The following SORCS1 variants were observed in gnomAD, a reference collection of about 807,000 sequenced individuals.
SORCS1 encodes the protein sortilin related VPS10 domain containing receptor 1.
SORCS1 carries 60 observed loss-of-function variants against 146.1 expected under a neutral mutation model. That is an observed-to-expected ratio of 0.41 (90% CI 0.33 to 0.51). The LOEUF is 0.51. Among genes scored for constraint, SORCS1 ranks in the 20% least tolerant of loss-of-function variants. SORCS1 has a pLI of 0.21. For missense variants in SORCS1, 1,352 were observed against 1,487.6 expected, an observed-to-expected ratio of 0.91 and a Z score of 1.50; for synonymous variants, 637 against 584.0, an observed-to-expected ratio of 1.09 and a Z score of -1.31.
intron 2 of SORCS1, among the ~76,000 whole-genome samples, chr10:106,915,732 G>A (rs1952388844): frequency 6.6e-6 from 1 of 152,174 alleles, no homozygotes; most frequent in South Asian, 2.1e-4. Context: ...TTTAAGTGAG[G>A]AAGAGTGGCT....
intron 1 of SORCS1, among the ~76,000 whole-genome samples, chr10:106,961,324 A>C (rs1955212647): frequency 6.6e-6 from 1 of 152,198 alleles, no homozygotes; most frequent in Admixed American, 6.5e-5. Flanking sequence ...ATTAACATAA[A>C]ATATAATTTA....
intron 1 of SORCS1, among the ~76,000 whole-genome samples, chr10:107,018,408 G>A (rs908814816): frequency 2.3e-4 from 35 of 150,396 alleles, no homozygotes; most frequent in Non-Finnish European, 4.0e-4. Flanking sequence ...GGATGGTCTC[G>A]ATCTCCTTAC....
In SORCS1 at chr10:107,034,680, C is replaced by CAAAAAAAAAAAAAAAAAAAA. The variant is rs553032484; in HGVS notation, c.559-78120_559-78101dup. Among the ~76,000 whole-genome samples, 14 of 13,796 alleles carry CAAAAAAAAAAAAAAAAAAAA rather than the reference C, an allele frequency of 1.0e-3. 1 individual carries two copies. The highest frequency in any genetic ancestry group is 3.5e-3 in the Admixed American group (2 of 564). The allele number at this position is 13,796 out of a possible 152,430, so 9.1% of individuals were successfully genotyped here. On this transcript the variant is annotated intron_variant, in intron 1 of 25. Coordinates refer to ENST00000263054, the MANE Select transcript of SORCS1 (RefSeq NM_052918.5). Reference sequence around the variant, plus strand: ...GGGAAACATGAGCGAAACTCCATCTCAAAAAAAAAAAAAAAAAAAAAAAAA... The same window carrying CAAAAAAAAAAAAAAAAAAAA: ...GGGAAACATGAGCGAAACTCCATCTCAAAAAAAAAAAAAAAAAAAAAAAAAAAAAAAAAAAAAAAAAAAAA...
chr10:106,784,606 C>G (rs565363064), intron 3 of SORCS1, among the ~76,000 whole-genome samples: 1 of 152,166 alleles, frequency 6.6e-6, no homozygotes, highest in African/African-American at 2.4e-5. Context: ...AGTAACTTCT[C>G]TCTTAAATCC....
At chr10:106,947,125 A>C (rs1954385748) in intron 2 of SORCS1, among the ~76,000 whole-genome samples, 1 of 152,166 alleles carries the variant, frequency 6.6e-6, no homozygotes, top group Non-Finnish European at 1.5e-5. Flanking sequence ...CATCCAAAAT[A>C]CTGATTTAAA....
intron 9 of SORCS1, among the ~76,000 whole-genome samples, chr10:106,694,758 G>T (rs1178241364): frequency 6.6e-6 from 1 of 152,142 alleles, no homozygotes; most frequent in African/African-American, 2.4e-5. Flanking sequence ...CCTGGTCACT[G>T]GCTGTCCTTC....
chr10:106,954,206 G>C (rs1189323476), intron 2 of SORCS1, among the ~76,000 whole-genome samples: 2 of 152,160 alleles, frequency 1.3e-5, no homozygotes, highest in African/African-American at 4.8e-5. Flanking sequence ...CTGTCCCAGT[G>C]AGACAAAACT....
At chr10:106,907,736 G>A (rs759248846) in intron 2 of SORCS1, among the ~76,000 whole-genome samples, 4 of 151,932 alleles carry the variant, frequency 2.6e-5, no homozygotes, top group Non-Finnish European at 4.4e-5. Flanking sequence ...AGACCAGCCC[G>A]ACCAACATGG....
intron 13 of SORCS1, among the ~76,000 whole-genome samples, chr10:106,676,017 A>G (rs1851999365): frequency 6.6e-6 from 1 of 152,144 alleles, no homozygotes; most frequent in South Asian, 2.1e-4. Flanking sequence ...TAAGCCACCC[A>G]GTTTATGGTA....
At chr10:106,608,648 C>G (rs1846767182) in intron 22 of SORCS1, among the ~76,000 whole-genome samples, 1 of 152,154 alleles carries the variant, frequency 6.6e-6, no homozygotes, top group Non-Finnish European at 1.5e-5. Flanking sequence ...CCCTTTGAAG[C>G]AAATATGATT....
chr10:106,764,017 A>G (rs1468467715), intron 4 of SORCS1, among the ~76,000 whole-genome samples: 1 of 152,192 alleles, frequency 6.6e-6, no homozygotes, highest in East Asian at 1.9e-4. Context: ...GTTTCTACCT[A>G]ATAGAGAACA....
intron 1 of SORCS1, among the ~76,000 whole-genome samples, chr10:107,083,110 C>CAAAAAAAAAA (rs538577059): frequency 1.7e-5 from 1 of 60,486 alleles, no homozygotes; most frequent in Non-Finnish European, 3.3e-5. Context: ...CTCCAACTCA[C>CAAAAAAAAAA]AAAAAAAAAA....
intron 2 of SORCS1, among the ~76,000 whole-genome samples, chr10:106,861,518 G>A (rs1181620882): frequency 6.6e-6 from 1 of 151,978 alleles, no homozygotes; most frequent in South Asian, 2.1e-4. Flanking sequence ...TATGAAAAAT[G>A]TATTCTAGAA....
chr10:106,699,526 TA>T, intron 8 of SORCS1, 133 bp from the exon 9 acceptor site: 2 of 696,268 alleles, frequency 2.9e-6, no homozygotes, highest in Non-Finnish European at 4.5e-6. Flanking sequence ...TCCTTTTGCA[TA>T]TATAAGAAAT....
At chr10:107,004,516 C>T (rs11193158) in intron 1 of SORCS1, among the ~76,000 whole-genome samples, 3 of 151,736 alleles carry the variant, frequency 2.0e-5, no homozygotes, top group Admixed American at 6.6e-5. Flanking sequence ...CACAAGATCT[C>T]GAGACTTATT....
chr10:106,733,534 T>C (rs1564910464), intron 5 of SORCS1, among the ~76,000 whole-genome samples: 1 of 152,188 alleles, frequency 6.6e-6, no homozygotes. Flanking sequence ...CCAAATGATA[T>C]CATTACTCTA....
the SORCS1 span, among the ~76,000 whole-genome samples, chr10:107,176,086 C>T: frequency 6.6e-6 from 1 of 152,148 alleles, no homozygotes; most frequent in Non-Finnish European, 1.5e-5. Flanking sequence ...ATAATCACTG[C>T]TTTAGCTGCA....
At position 106,631,776 on chromosome 10, in the gene SORCS1, C is replaced by T. The variant is rs917191309; in HGVS notation, c.2476-2388G>A. Among the ~76,000 whole-genome samples the T allele has an allele frequency of 2.0e-5, 3 of 152,280 alleles. No homozygotes were observed. The East Asian group carries it at 5.8e-4, about 29-fold the overall frequency. ...GCTGGGAAGAATACAACTTTGGCTG[C>T]CATTGCTTGAGTCTACCTTGCCTTG... On this transcript the variant is annotated intron_variant, in intron 18 of 25. Coordinates refer to ENST00000263054, the MANE Select transcript of SORCS1 (RefSeq NM_052918.5).
chr10:107,085,143 C>A lies in SORCS1; in HGVS notation c.558+78826G>T, dbSNP rs543737665. On this transcript the variant is annotated intron_variant, in intron 1 of 25. Coordinates refer to ENST00000263054, the MANE Select transcript of SORCS1 (RefSeq NM_052918.5). ...TTGAAGAGAAAGAGACAGAGAGACACAGAAAGACAGAGATAGACACAGATA... is the reference window on the plus strand; with the variant it reads ...TTGAAGAGAAAGAGACAGAGAGACAAAGAAAGACAGAGATAGACACAGATA... 5.9e-5 allele frequency among the ~76,000 whole-genome samples: 9 copies of A among 152,304 alleles called. No homozygotes were observed. In the East Asian group the frequency reaches 1.7e-3, roughly 29 times the overall value.
Sources: gnomAD v4.1 joint callset for allele counts (sites outside exome capture counted in the v4.1 genomes callset) on GRCh38, gnomAD v4.1.1 for gene constraint, MANE v1.5 for transcripts, NCBI Gene and HGNC (gene_info 2026-07-23, HGNC 2026-07-21) for gene names.